Variants in COL25A1 observed in about 807,000 individuals in gnomAD.
COL25A1 encodes collagen alpha-1(XXV) chain.
COL25A1 carries 103 observed loss-of-function variants against 128.4 expected under a neutral mutation model. The observed-to-expected ratio is 0.80, with a 90% CI of 0.68 to 0.94. The LOEUF is 0.94. COL25A1 is among the 40% of genes least tolerant of loss of function. COL25A1 has a pLI of 0.00. For synonymous variants in COL25A1, 279 were observed against 277.2 expected (o/e 1.01, Z -0.06); for missense variants, 745 against 840.0 (o/e 0.89, Z 1.40).
At chr4:109,096,455 T>C (rs1765405770) in intron 3 of COL25A1, among the ~76,000 whole-genome samples, 1 of 152,178 alleles carries the variant, frequency 6.6e-6, no homozygotes, top group Non-Finnish European at 1.5e-5. Context: ...GCCTAGAATA[T>C]TGAGTATAGT....
intron 8 of COL25A1, among the ~76,000 whole-genome samples, chr4:108,949,073 T>C (rs1251121469): frequency 6.6e-6 from 1 of 152,124 alleles, no homozygotes; most frequent in Non-Finnish European, 1.5e-5. Context: ...ATTTTCCTGG[T>C]CTGAGTGCAC....
intron 19 of COL25A1, among the ~76,000 whole-genome samples, chr4:108,878,015 G>C (rs1165988558): frequency 1.3e-5 from 2 of 152,074 alleles, no homozygotes; most frequent in African/African-American, 4.8e-5. Flanking sequence ...GGGATTACTA[G>C]TCAATGTAAG....
chr4:109,074,654 G>A (rs1358669323), intron 3 of COL25A1, among the ~76,000 whole-genome samples: 2 of 152,120 alleles, frequency 1.3e-5, no homozygotes, highest in Non-Finnish European at 2.9e-5. Context: ...CATACTATCC[G>A]AAGGGAGTTC....
Position 108,846,308 on chromosome 4 carries a change from G to A in COL25A1, c.1435-89C>T, listed in dbSNP as rs574899904. ...GGAAAACAGAATTCCGATCAATTTCGTTAATAGGTGGGTTCAATGTTGAGA... is the reference window on the plus strand; with the variant it reads ...GGAAAACAGAATTCCGATCAATTTCATTAATAGGTGGGTTCAATGTTGAGA... On this transcript the variant is annotated intron_variant, in intron 27 of 37. Transcript: ENST00000399132. The A allele has an allele frequency of 6.7e-4, 559 of 837,342 alleles. 2 individuals are homozygous for A. In the African/African-American group the frequency reaches 8.2e-3, roughly 12 times the overall value. 51.9% of individuals were successfully genotyped at this position (837,342 alleles called of 1,614,324 possible). A position where few individuals can be genotyped will look rare whatever the true frequency, so the allele number is the denominator to read the frequency against.
Position 109,242,716 on chromosome 4 carries a change from T to G in COL25A1, c.367+57867A>C, listed in dbSNP as rs1449454783. Among the ~76,000 whole-genome samples, 3 of 152,122 alleles carry G rather than the reference T, an allele frequency of 2.0e-5. No individual in the cohort carries two copies. The East Asian group carries it at 5.8e-4, about 29-fold the overall frequency. On this transcript the variant is annotated intron_variant, in intron 3 of 37. Transcript: ENST00000399132. ...ATTTCACCAAAGTTTTTTTAATTCT[T>G]TTATTTCCAGAGTTTGGGAAGTTCC...
chr4:108,824,916 T>C (rs1238373153), intron 34 of COL25A1, among the ~76,000 whole-genome samples: 1 of 152,206 alleles, frequency 6.6e-6, no homozygotes, highest in African/African-American at 2.4e-5. Context: ...AAATAGGTCA[T>C]GCTGATGTTA....
intron 6 of COL25A1, among the ~76,000 whole-genome samples, chr4:108,996,621 C>T (rs1754801518): frequency 6.6e-6 from 1 of 152,130 alleles, no homozygotes; most frequent in Admixed American, 6.5e-5. Flanking sequence ...ATCAAGTAGA[C>T]CTAATAGAAA....
intron 3 of COL25A1, among the ~76,000 whole-genome samples, chr4:109,253,903 C>A (rs113278216): frequency 2.0e-5 from 3 of 152,024 alleles, no homozygotes; most frequent in South Asian, 2.1e-4. Context: ...CTGGCTAACA[C>A]GGTGAAACCC....
chr4:108,887,970 C>G (rs1039595572), intron 18 of COL25A1, among the ~76,000 whole-genome samples: 3 of 152,000 alleles, frequency 2.0e-5, no homozygotes, highest in Non-Finnish European at 4.4e-5. Context: ...CAAAGCAGAC[C>G]ATGGATCTCT....
intron 3 of COL25A1, among the ~76,000 whole-genome samples, chr4:109,063,854 A>C (rs569848278): frequency 2.0e-5 from 3 of 152,214 alleles, no homozygotes; most frequent in Non-Finnish European, 4.4e-5. Flanking sequence ...CAGGAATCAA[A>C]TATAGATAGA....
At chr4:109,078,071 C>T (rs962142282) in intron 3 of COL25A1, among the ~76,000 whole-genome samples, 1 of 152,142 alleles carries the variant, frequency 6.6e-6, no homozygotes, top group Non-Finnish European at 1.5e-5. Flanking sequence ...GTCCAGATAG[C>T]CTCTTGACTT....
chr4:108,881,047 C>T (rs1332937240), intron 19 of COL25A1, among the ~76,000 whole-genome samples: 2 of 152,116 alleles, frequency 1.3e-5, no homozygotes, highest in East Asian at 1.9e-4. Context: ...AGTTGAACAT[C>T]GTGACACTAT....
At chr4:109,000,168 A>G (rs1021929988) in intron 6 of COL25A1, among the ~76,000 whole-genome samples, 18 of 152,190 alleles carry the variant, frequency 1.2e-4, no homozygotes, top group Admixed American at 6.5e-4. Context: ...GTGTTCATGA[A>G]TAATTATAAT....
chr4:108,850,012 C>A (rs1240206609), intron 26 of COL25A1, among the ~76,000 whole-genome samples: 1 of 152,010 alleles, frequency 6.6e-6, no homozygotes, highest in Non-Finnish European at 1.5e-5. Flanking sequence ...TTTATTTTGC[C>A]ACAAACAAGT....
At chr4:109,099,041 A>C (rs1016953174) in intron 3 of COL25A1, among the ~76,000 whole-genome samples, 1 of 152,244 alleles carries the variant, frequency 6.6e-6, no homozygotes, top group African/African-American at 2.4e-5. Flanking sequence ...CAGGGCATGT[A>C]GGGCACACAG....
chr4:109,027,643 TG>T (rs1758431704), intron 5 of COL25A1, among the ~76,000 whole-genome samples: 2 of 151,540 alleles, frequency 1.3e-5, no homozygotes, highest in Non-Finnish European at 2.9e-5. Context: ...GCATTCTAAG[TG>T]AAAGATAAAG....
chr4:108,997,481 A>G (rs2126022981), intron 6 of COL25A1, among the ~76,000 whole-genome samples: 1 of 152,348 alleles, frequency 6.6e-6, no homozygotes, highest in Admixed American at 6.5e-5. Context: ...GACAATAATT[A>G]ATAGCCTACC....
At chr4:109,271,009 G>A (rs1283849670) in intron 3 of COL25A1, among the ~76,000 whole-genome samples, 1 of 152,088 alleles carries the variant, frequency 6.6e-6, no homozygotes, top group African/African-American at 2.4e-5. Context: ...AAGGATTTTA[G>A]TAATTTGCCA....
intron 10 of COL25A1, among the ~76,000 whole-genome samples, 183 bp downstream of exon 10, chr4:108,940,356 T>C (rs1747936610): frequency 6.6e-6 from 1 of 152,150 alleles, no homozygotes; most frequent in Admixed American, 6.5e-5. Flanking sequence ...CCTGTGCTGC[T>C]TGGGGACTTT....
Sources: allele counts gnomAD v4.1 joint callset (sites outside exome capture counted in the v4.1 genomes callset), GRCh38; gene constraint gnomAD v4.1.1; transcripts MANE v1.5; gene names NCBI Gene and HGNC (gene_info 2026-07-23, HGNC 2026-07-21).